Variants in DHX30 observed in about 807,000 individuals in gnomAD.
DHX30 encodes ATP-dependent RNA helicase DHX30.
DHX30 carries 4 observed loss-of-function variants against 116.9 expected under a neutral mutation model. That is an observed-to-expected ratio of 0.03 (90% CI 0.02 to 0.08). The LOEUF (loss-of-function observed/expected upper bound fraction) is 0.08. Ranked by LOEUF, DHX30 falls within the 10% of genes least tolerant of loss-of-function variation. The pLI is 1.00. For missense variants in DHX30, 871 were observed against 1,595.1 expected (o/e 0.55, Z 7.73); for synonymous variants, 697 against 651.7 (o/e 1.07, Z -1.06).
Position 47,850,153 on chromosome 3 carries a change from C to G in DHX30, c.*33C>G, listed in dbSNP as rs1425119436. On this transcript the variant is annotated 3_prime_UTR_variant, in exon 22 of 22. Transcript: ENST00000445061. ...TTCTGCTGGGGCTGTGTACAGAGTG[C>G]AAATGTTTATTTAAAATAAAGTTCT... The G allele has an allele frequency of 6.5e-7, 1 of 1,538,148 alleles. No individual in the cohort carries two copies. Among genetic ancestry groups the G allele is most frequent in the Non-Finnish European group, 8.8e-7 (1 of 1,142,756 alleles).
At chr3:47,805,546 G>T in intron 2 of DHX30, 126 bp downstream of exon 2, 2 of 392,146 alleles carry the variant, frequency 5.1e-6, no homozygotes, top group Non-Finnish European at 9.0e-6. Context: ...ATTTTATTTT[G>T]TTTTATTTTT....
At chr3:47,845,564 A>C in intron 9 of DHX30, 136 bp from the exon 10 acceptor site, 19 of 983,450 alleles carry the variant, frequency 1.9e-5, no homozygotes, top group Non-Finnish European at 2.5e-5. Context: ...TTCTCCCTCC[A>C]TCACCATGTC....
rs577946893 is a variant in DHX30, at chr3:47,816,648, G to A, written c.29-1374G>A. Reference sequence around the variant, plus strand: ...TGGGATTATAGGCGTGAGCCACCGCGCCGGGCTACAAAGAGCCTTCTAATG... The same window carrying A: ...TGGGATTATAGGCGTGAGCCACCGCACCGGGCTACAAAGAGCCTTCTAATG... On this transcript the variant is annotated intron_variant, in intron 3 of 21. Transcript: ENST00000445061. 1.3e-5 allele frequency: 13 copies of A among 985,452 alleles called. No individual in the cohort carries two copies. In the East Asian group the frequency reaches 5.7e-4, roughly 43 times the overall value. 61.0% of individuals were successfully genotyped at this position (985,452 alleles called of 1,614,324 possible). A position where few individuals can be genotyped will look rare whatever the true frequency, so the allele number is the denominator to read the frequency against.
chr3:47,845,964 T>C (rs781207480), intron 10 of DHX30, 112 bp downstream of exon 10: 1 of 1,485,152 alleles, frequency 6.7e-7, no homozygotes, highest in Admixed American at 2.2e-5. Context: ...TTCTCTTCAC[T>C]GAGTTTGGGG....
At chr3:47,832,249 G>A (rs1347447763) in intron 6 of DHX30, among the ~76,000 whole-genome samples, 1 of 151,926 alleles carries the variant, frequency 6.6e-6, no homozygotes, top group Non-Finnish European at 1.5e-5. Context: ...CTGTAGCCTT[G>A]GCACTGCCAT....
At chr3:47,819,749 G>GA (rs942409560) in intron 4 of DHX30, among the ~76,000 whole-genome samples, 7 of 151,760 alleles carry the variant, frequency 4.6e-5, no homozygotes, top group East Asian at 1.9e-4. Flanking sequence ...ATTTGGAACT[G>GA]AAAAAAAATG....
intron 9 of DHX30, among the ~76,000 whole-genome samples, chr3:47,844,981 A>G (rs1385283443): frequency 6.6e-6 from 1 of 152,080 alleles, no homozygotes; most frequent in Admixed American, 6.5e-5. Flanking sequence ...CAGCAAAGGA[A>G]GAGGGAGTCT....
chr3:47,842,058 G>T, intron 8 of DHX30: 1 of 283,176 alleles, frequency 3.5e-6, no homozygotes, highest in South Asian at 7.2e-5. Context: ...CAGGCGAAGG[G>T]GCTTTGGTCA....
At chr3:47,819,123 C>T (rs1576472888) in intron 4 of DHX30, 1 of 906,724 alleles carries the variant, frequency 1.1e-6, no homozygotes, top group Admixed American at 2.0e-5. Flanking sequence ...TACTTCTAGC[C>T]CCCTGACCAT....
Position 47,847,854 on chromosome 3 carries a change from C to T in DHX30, c.2184C>T (p.Val728=), listed in dbSNP as rs2037687419. ...QQPPVGVRKI[V]LATNIAETSI... Reference sequence around the variant, plus strand: ...CTCCAGTTGGGGTGCGCAAGATTGTCTTGGCCACCAACATTGCTGAGACTT... The same window carrying T: ...CTCCAGTTGGGGTGCGCAAGATTGTTTTGGCCACCAACATTGCTGAGACTT... Residue 728 remains valine, a synonymous_variant, in exon 14 of 22, where the codon GTC becomes GTT. Transcript: ENST00000445061. This position sits in a 1 kb window ranked among gnomAD's most constrained non-coding sequence, Gnocchi z 5.5. 3.1e-6 allele frequency: 5 copies of T among 1,614,064 alleles called. No individual in the cohort carries two copies. The highest frequency in any genetic ancestry group is 1.7e-5 in the Admixed American group (1 of 59,998).
intron 2 of DHX30, among the ~76,000 whole-genome samples, chr3:47,805,921 T>TTTAA (rs1257446506): frequency 1.3e-5 from 2 of 152,180 alleles, no homozygotes; most frequent in African/African-American, 4.8e-5. Context: ...TTAAATTGTA[T>TTTAA]TTCATTATGC....
chr3:47,828,958 C>T, intron 5 of DHX30, 66 bp from the exon 6 acceptor site: 2 of 947,774 alleles, frequency 2.1e-6, no homozygotes, highest in Non-Finnish European at 3.4e-6. Flanking sequence ...GTTTATTTTC[C>T]ATGTAATTTG....
At chr3:47,831,543 TC>T (rs2036849078) in intron 6 of DHX30, among the ~76,000 whole-genome samples, 2 of 152,196 alleles carry the variant, frequency 1.3e-5, no homozygotes, top group South Asian at 4.1e-4. Context: ...CTGGTTCTTT[TC>T]TATAGGCCTC....
chr3:47,835,368 A>G (rs944787001), intron 6 of DHX30, among the ~76,000 whole-genome samples: 2 of 152,030 alleles, frequency 1.3e-5, no homozygotes, highest in African/African-American at 4.8e-5. Context: ...GGGTTTCTCC[A>G]TGTTGGTCAG....
chr3:47,835,854 T>G (rs1203373165), intron 6 of DHX30, among the ~76,000 whole-genome samples: 3 of 152,228 alleles, frequency 2.0e-5, no homozygotes, highest in Non-Finnish European at 4.4e-5. Context: ...TTTCTAGTAC[T>G]TTTAGTACTA....
At position 47,848,149 on chromosome 3, in the gene DHX30, T is replaced by G. The variant is rs1576521167; in HGVS notation, c.2287-31T>G. 1 of 1,611,496 alleles carries G rather than the reference T, an allele frequency of 6.2e-7. No homozygotes were observed. Among genetic ancestry groups the G allele is most frequent in the East Asian group, 2.2e-5 (1 of 44,846 alleles). ...TGGGGAAGCACTGAGGAAGTGGCAT[T>G]TGTGTGCTGCTTACTTGCCACCTCC... On this transcript the variant is annotated intron_variant, in intron 14 of 21. Transcript: ENST00000445061. The surrounding 1 kb of genome is among the most constrained non-coding windows in gnomAD (Gnocchi z 9.4).
chr3:47,843,821 C>T (rs1390197398), intron 9 of DHX30, among the ~76,000 whole-genome samples: 1 of 152,202 alleles, frequency 6.6e-6, no homozygotes, highest in Non-Finnish European at 1.5e-5. Context: ...ACCTCAGCCT[C>T]CTGCATAGCT....
intron 4 of DHX30, among the ~76,000 whole-genome samples, chr3:47,821,226 G>T (rs955011986): frequency 7.9e-5 from 12 of 152,146 alleles, no homozygotes; most frequent in Admixed American, 5.2e-4. Flanking sequence ...AAAGTGCTGG[G>T]ATTACAGGCA....
intron 8 of DHX30, 87 bp downstream of exon 8, chr3:47,841,824 A>T (rs999877387): frequency 5.7e-6 from 9 of 1,585,468 alleles, no homozygotes; most frequent in African/African-American, 5.4e-5. Flanking sequence ...GAGAGGGCTG[A>T]GGGGGTGTGT....
Sources: allele counts gnomAD v4.1 joint callset (sites outside exome capture counted in the v4.1 genomes callset), GRCh38; gene constraint gnomAD v4.1.1; non-coding constraint Gnocchi (gnomAD v3.1); transcripts MANE v1.5; gene names NCBI Gene and HGNC (gene_info 2026-07-23, HGNC 2026-07-21).